The following DDAH1 variants were observed in gnomAD, a reference collection of about 807,000 sequenced individuals.
DDAH1 encodes the protein dimethylarginine dimethylaminohydrolase 1, also known as N(G),N(G)-dimethylarginine dimethylaminohydrolase 1.
Under a neutral mutation model 28.8 loss-of-function variants are expected in DDAH1, and 19 were observed. The ratio of observed to expected loss-of-function variants is 0.66; its 90% CI spans 0.46 to 0.97. The LOEUF (loss-of-function observed/expected upper bound fraction) is 0.97, where lower values mean the gene tolerates loss of function less well. DDAH1 is among the 50% of genes least tolerant of loss of function. The pLI is 0.00. For missense variants in DDAH1, 326 were observed against 375.9 expected, an observed-to-expected ratio of 0.87 and a Z score of 1.10; for synonymous variants, 153 against 154.4, an observed-to-expected ratio of 0.99 and a Z score of 0.07.
intron 1 of DDAH1, among the ~76,000 whole-genome samples, chr1:85,543,708 T>A (rs984711843): frequency 2.0e-5 from 3 of 152,198 alleles, no homozygotes; most frequent in Non-Finnish European, 4.4e-5. Flanking sequence ...ATTATTAGAA[T>A]AATTTGATGG....
intron 1 of DDAH1, among the ~76,000 whole-genome samples, chr1:85,570,959 G>C (rs1165204831): frequency 2.0e-5 from 3 of 152,162 alleles, no homozygotes; most frequent in Admixed American, 1.3e-4. Context: ...CAGAAATGTA[G>C]AAAGAGGACG....
In DDAH1 at chr1:85,411,979, T is replaced by C. The variant is rs187810581; in HGVS notation, c.303+52764A>G. 2.7e-4 allele frequency among the ~76,000 whole-genome samples: 41 copies of C among 152,348 alleles called. No individual in the cohort carries two copies. The East Asian group carries it at 7.3e-3, about 27-fold the overall frequency. On this transcript the variant is annotated intron_variant, in intron 1 of 5. Coordinates refer to ENST00000284031, the MANE Select transcript of DDAH1 (RefSeq NM_012137.4). ...CAGGAATTTTCTCCACTGATATCATTAGAACTTCCGTCTAAATTATCCCAC... is the reference window on the plus strand; with the variant it reads ...CAGGAATTTTCTCCACTGATATCATCAGAACTTCCGTCTAAATTATCCCAC...
At chr1:85,472,165 C>G (rs1655640665) in intron 2 of DDAH1, among the ~76,000 whole-genome samples, 1 of 152,174 alleles carries the variant, frequency 6.6e-6, no homozygotes, top group Admixed American at 6.5e-5. Context: ...ATCTGACATA[C>G]CTTGTTTGTA....
chr1:85,575,747 C>A (rs2100575472), intron 1 of DDAH1: 1 of 152,272 alleles, frequency 6.6e-6, no homozygotes, highest in Non-Finnish European at 1.5e-5. Context: ...CAGTATAGCA[C>A]AGTAGTTAAG....
chr1:85,341,417 T>C (rs1648468478), intron 4 of DDAH1, among the ~76,000 whole-genome samples: 2 of 152,222 alleles, frequency 1.3e-5, no homozygotes, highest in African/African-American at 4.8e-5. Context: ...AACTGAATAG[T>C]TATATATGTA....
At chr1:85,550,596 C>T (rs1408949147) in intron 1 of DDAH1, among the ~76,000 whole-genome samples, 3 of 152,172 alleles carry the variant, frequency 2.0e-5, no homozygotes, top group Non-Finnish European at 4.4e-5. Flanking sequence ...GAGGTGAAAA[C>T]ATCTGAAACT....
intron 1 of DDAH1, among the ~76,000 whole-genome samples, chr1:85,373,796 T>A (rs1650513331): frequency 1.3e-5 from 2 of 152,212 alleles, no homozygotes; most frequent in South Asian, 4.1e-4. Context: ...TGTGGGTAAA[T>A]TTAGCAGTTA....
chr1:85,446,975 GAAGA>G (rs1654456252), intron 1 of DDAH1, among the ~76,000 whole-genome samples: 1 of 152,140 alleles, frequency 6.6e-6, no homozygotes, highest in Non-Finnish European at 1.5e-5. Context: ...CTTTCAACAG[GAAGA>G]AAGAAAGGTG....
At chr1:85,545,352 A>G (rs1465561502) in intron 1 of DDAH1, among the ~76,000 whole-genome samples, 2 of 152,238 alleles carry the variant, frequency 1.3e-5, no homozygotes, top group Non-Finnish European at 2.9e-5. Flanking sequence ...CATGACAATA[A>G]GGCACAGCAG....
intron 1 of DDAH1, among the ~76,000 whole-genome samples, chr1:85,412,347 T>G (rs1298576256): frequency 6.6e-6 from 1 of 152,182 alleles, no homozygotes; most frequent in Non-Finnish European, 1.5e-5. Context: ...TTCAGGGTCT[T>G]CTAACAATTG....
At chr1:85,547,237 C>G (rs1430881883) in intron 1 of DDAH1, among the ~76,000 whole-genome samples, 1 of 152,112 alleles carries the variant, frequency 6.6e-6, no homozygotes, top group Middle Eastern at 3.2e-3. Context: ...ACTAATAGTA[C>G]CTACGTCAGA....
chr1:85,378,782 G>A (rs1476010950), intron 1 of DDAH1, among the ~76,000 whole-genome samples: 1 of 152,136 alleles, frequency 6.6e-6, no homozygotes, highest in Non-Finnish European at 1.5e-5. Context: ...AATGAAGTAA[G>A]CATCCAGACA....
At chr1:85,405,329 A>T (rs6576765) in intron 1 of DDAH1, among the ~76,000 whole-genome samples, 94,531 of 152,034 alleles carry the variant, frequency 0.62, 29,441 homozygotes, top group Middle Eastern at 0.65. Context: ...TCTGAGGAAA[A>T]GATCTTGTTT....
At chr1:85,417,152 A>G (rs1321704881) in intron 1 of DDAH1, among the ~76,000 whole-genome samples, 1 of 152,148 alleles carries the variant, frequency 6.6e-6, no homozygotes, top group Non-Finnish European at 1.5e-5. Flanking sequence ...TAGTGAAGGG[A>G]CTCTGCTGGC....
At chr1:85,402,636 C>T (rs759368286) in intron 1 of DDAH1, among the ~76,000 whole-genome samples, 7 of 152,056 alleles carry the variant, frequency 4.6e-5, no homozygotes, top group Admixed American at 1.3e-4. Flanking sequence ...TCTGGCCGGA[C>T]GCGGTGGTTC....
At chr1:85,442,145 A>G (rs1328948869) in intron 1 of DDAH1, among the ~76,000 whole-genome samples, 2 of 152,096 alleles carry the variant, frequency 1.3e-5, no homozygotes, top group Non-Finnish European at 2.9e-5. Flanking sequence ...CATCATTTAC[A>G]TTAGGTATAT....
At chr1:85,333,750 A>G (rs1390511177) in intron 4 of DDAH1, among the ~76,000 whole-genome samples, 1 of 146,652 alleles carries the variant, frequency 6.8e-6, no homozygotes, top group Non-Finnish European at 1.5e-5. Context: ...TTTAAAAAGA[A>G]GAAAAAAAAA....
At chr1:85,432,896 A>T (rs1011740240) in intron 1 of DDAH1, among the ~76,000 whole-genome samples, 3 of 152,214 alleles carry the variant, frequency 2.0e-5, no homozygotes, top group African/African-American at 7.2e-5. Flanking sequence ...ACTAACTCCC[A>T]CAAAACAAAA....
At chr1:85,473,633 C>T (rs150926317) in intron 2 of DDAH1, among the ~76,000 whole-genome samples, 4,522 of 152,206 alleles carry the variant, frequency 0.03, 94 homozygotes, top group Non-Finnish European at 0.046. Flanking sequence ...GTGGTATTAA[C>T]GCACAATGGT....
Sources: allele counts gnomAD v4.1 joint callset (sites outside exome capture counted in the v4.1 genomes callset), GRCh38; gene constraint gnomAD v4.1.1; transcripts MANE v1.5; gene names NCBI Gene and HGNC (gene_info 2026-07-23, HGNC 2026-07-21).